UNC5D: variants seen among roughly 807,000 people sequenced by gnomAD.
The protein encoded by UNC5D is unc-5 netrin receptor D.
In UNC5D, 39 loss-of-function variants were observed where a neutral mutation model predicts 105.4. The observed-to-expected ratio is 0.37, with a 90% CI of 0.29 to 0.48. The LOEUF (loss-of-function observed/expected upper bound fraction) is 0.48. Among genes scored for constraint, UNC5D ranks in the 20% least tolerant of loss-of-function variants. UNC5D has a pLI of 0.98. For missense variants in UNC5D, 991 were observed against 1,202.4 expected (o/e 0.82, Z 2.60); for synonymous variants, 452 against 450.4 (o/e 1.00, Z -0.04).
intron 14 of UNC5D, 88 bp from the exon 15 acceptor site, chr8:35,766,814 A>T (rs915352066): frequency 7.2e-7 from 1 of 1,390,664 alleles, no homozygotes; most frequent in South Asian, 1.8e-5. Flanking sequence ...CGTCATCATC[A>T]TCATCATCAT....
chr8:35,687,347 C>A (rs1826080263), intron 7 of UNC5D, among the ~76,000 whole-genome samples: 1 of 149,684 alleles, frequency 6.7e-6, no homozygotes, highest in Non-Finnish European at 1.5e-5. Context: ...GAGGCTGAGG[C>A]AGGAGAATGC....
intron 3 of UNC5D, among the ~76,000 whole-genome samples, chr8:35,583,958 G>T (rs1309080958): frequency 6.6e-6 from 1 of 152,146 alleles, no homozygotes; most frequent in Non-Finnish European, 1.5e-5. Flanking sequence ...AGGAAATGGT[G>T]CTGAGTGGCT....
intron 1 of UNC5D, among the ~76,000 whole-genome samples, chr8:35,393,576 G>A (rs1352303444): frequency 6.6e-6 from 1 of 152,096 alleles, no homozygotes; most frequent in Non-Finnish European, 1.5e-5. Context: ...GCTTTATGTG[G>A]ATTAGGAATC....
chr8:35,657,076 G>GTATATATATA (rs1823795081), intron 4 of UNC5D, among the ~76,000 whole-genome samples: 1 of 94,434 alleles, frequency 1.1e-5, no homozygotes, highest in African/African-American at 5.2e-5. Context: ...GTGTGTGTGT[G>GTATATATATA]TGTGTATATA....
At chr8:35,699,127 A>C (rs1384630002) in intron 7 of UNC5D, among the ~76,000 whole-genome samples, 1 of 152,174 alleles carries the variant, frequency 6.6e-6, no homozygotes, top group East Asian at 1.9e-4. Flanking sequence ...AAACTAACAC[A>C]CATGGAATCA....
intron 1 of UNC5D, among the ~76,000 whole-genome samples, chr8:35,416,326 C>G (rs533780617): frequency 6.6e-6 from 1 of 152,182 alleles, no homozygotes; most frequent in Non-Finnish European, 1.5e-5. Context: ...TTGTAAAAAA[C>G]ACTCTAAAGA....
At chr8:35,473,404 G>A (rs1053575435) in intron 1 of UNC5D, among the ~76,000 whole-genome samples, 3 of 152,186 alleles carry the variant, frequency 2.0e-5, no homozygotes, top group African/African-American at 7.2e-5. Context: ...TGGCTGGCAC[G>A]TGGTATGCAT....
At chr8:35,236,452 G>A (rs1008713499) in intron 1 of UNC5D, among the ~76,000 whole-genome samples, 9 of 318 alleles carry the variant, frequency 0.028, no homozygotes, top group Admixed American at 0.19. Context: ...TGGAGCTCGG[G>A]AGAGCGGCGT....
At chr8:35,409,139 G>A (rs1016494111) in intron 1 of UNC5D, among the ~76,000 whole-genome samples, 5 of 152,026 alleles carry the variant, frequency 3.3e-5, no homozygotes, top group African/African-American at 4.8e-5. Context: ...TTGTCTGGAT[G>A]TATAACTGAA....
intron 1 of UNC5D, among the ~76,000 whole-genome samples, chr8:35,422,139 C>T (rs542820801): frequency 6.6e-6 from 1 of 152,210 alleles, no homozygotes; most frequent in African/African-American, 2.4e-5. Flanking sequence ...CCATCTCACA[C>T]TCTCCGAGCT....
chr8:35,648,678 CAAAAAAAAAAAAA>C (rs1251731084), intron 4 of UNC5D, among the ~76,000 whole-genome samples: 1 of 46,040 alleles, frequency 2.2e-5, no homozygotes, highest in Non-Finnish European at 4.7e-5. Context: ...GAGTCCGTCT[CAAAAAAAAAAAAA>C]AAAAAAAAAA....
In UNC5D at chr8:35,287,728, G is replaced by C. The variant is rs182419348; in HGVS notation, c.103+51841G>C. 3.5e-3 allele frequency among the ~76,000 whole-genome samples: 526 copies of C among 152,096 alleles called. 4 individuals carry two copies. The highest frequency in any genetic ancestry group is 0.012 in the African/African-American group (503 of 41,490). On this transcript the variant is annotated intron_variant, in intron 1 of 16. Coordinates refer to ENST00000404895, the MANE Select transcript of UNC5D (RefSeq NM_080872.4). ...AGGCTGAGGTTGGAGGATTGCTTGA[G>C]CCCTGGAGGTTGAGGCTGCAGTGAG...
chr8:35,510,676 G>A (rs932405895), intron 1 of UNC5D, among the ~76,000 whole-genome samples: 1 of 152,126 alleles, frequency 6.6e-6, no homozygotes, highest in South Asian at 2.1e-4. Flanking sequence ...ATCTCAGCTT[G>A]GCCAGACAAG....
chr8:35,788,333 C>G (rs1169936642), intron 16 of UNC5D, among the ~76,000 whole-genome samples: 1 of 152,040 alleles, frequency 6.6e-6, no homozygotes, highest in African/African-American at 2.4e-5. Flanking sequence ...AAAGTAATAC[C>G]ATCCTCAAAA....
intron 8 of UNC5D, among the ~76,000 whole-genome samples, chr8:35,719,913 T>C (rs1828484143): frequency 6.6e-6 from 1 of 152,152 alleles, no homozygotes; most frequent in Non-Finnish European, 1.5e-5. Flanking sequence ...ATTTTTAAAA[T>C]TTTATAATTT....
chr8:35,572,693 T>C (rs1157632133), intron 3 of UNC5D, among the ~76,000 whole-genome samples: 2 of 152,194 alleles, frequency 1.3e-5, no homozygotes, highest in African/African-American at 2.4e-5. Flanking sequence ...CCAGAAGCAG[T>C]GTTTCTCAAA....
At chr8:35,758,280 A>G (rs56085711) in intron 13 of UNC5D, among the ~76,000 whole-genome samples, 11,447 of 152,276 alleles carry the variant, frequency 0.075, 1,173 homozygotes, top group African/African-American at 0.23. Context: ...TAACCAGTAG[A>G]GGTGTTTTTA....
chr8:35,686,842 T>C (rs1460652454), intron 7 of UNC5D, 133 bp downstream of exon 7: 7 of 1,189,832 alleles, frequency 5.9e-6, no homozygotes, highest in South Asian at 3.1e-5. Flanking sequence ...AAAAATAAAT[T>C]AGGTAAAAAG....
At chr8:35,352,282 A>C (rs1198256360) in intron 1 of UNC5D, among the ~76,000 whole-genome samples, 1 of 152,040 alleles carries the variant, frequency 6.6e-6, no homozygotes, top group Non-Finnish European at 1.5e-5. Flanking sequence ...ACCGAAATTA[A>C]ACAGGAAAGA....
Sources: allele counts gnomAD v4.1 joint callset (sites outside exome capture counted in the v4.1 genomes callset), GRCh38; gene constraint gnomAD v4.1.1; transcripts MANE v1.5; gene names NCBI Gene and HGNC (gene_info 2026-07-23, HGNC 2026-07-21).